The following ZNF169 variants were observed in gnomAD, a reference collection of about 807,000 sequenced individuals.
ZNF169 encodes zinc finger protein 169.
Under a neutral mutation model 12.0 loss-of-function variants are expected in ZNF169, and 11 were observed. The ratio of observed to expected loss-of-function variants is 0.92; its 90% CI spans 0.58 to 1.52. The LOEUF is 1.52. Among genes scored for constraint, ZNF169 ranks in the 40% most tolerant of loss-of-function variants. ZNF169 has a pLI of 0.00. For synonymous variants in ZNF169, 302 were observed against 286.5 expected, an observed-to-expected ratio of 1.05 and a Z score of -0.55; for missense variants, 722 against 744.0, an observed-to-expected ratio of 0.97 and a Z score of 0.34.
At chr9:94,287,682 A>T in intron 2 of ZNF169, 1 of 1,060,010 alleles carries the variant, frequency 9.4e-7, no homozygotes. Flanking sequence ...TTTAAAATTA[A>T]ACAATACGGT....
chr9:94,292,611 G>GTA, intron 3 of ZNF169, 144 bp downstream of exon 3: 5 of 378,792 alleles, frequency 1.3e-5, no homozygotes, highest in Non-Finnish European at 2.1e-5. Flanking sequence ...GTGCAGTTGT[G>GTA]TGTGTGTGTG....
chr9:94,293,181 T>C, intron 4 of ZNF169, 112 bp downstream of exon 4: 2 of 938,320 alleles, frequency 2.1e-6, no homozygotes, highest in Non-Finnish European at 3.4e-6. Context: ...TCAGGCCTCC[T>C]AGGCCACTGG....
Position 94,286,647 on chromosome 9 carries a change from T to TA in ZNF169, c.34-5688dup, listed in dbSNP as rs565689029. Among the ~76,000 whole-genome samples the TA allele has an allele frequency of 2.5e-3, 383 of 152,298 alleles. 2 individuals carry two copies. The highest frequency in any genetic ancestry group is 3.4e-3 in the Middle Eastern group (1 of 294). ...CGCTAAAATGTACCCATTAAACTGC[T>TA]AAAAAACAAATTGAGTGGTGAGAAT... On this transcript the variant is annotated intron_variant, in intron 2 of 4. Transcript: ENST00000395395.
Position 94,299,618 on chromosome 9 carries a change from T to C in ZNF169, c.257-197T>C, listed in dbSNP as rs1323739869. 13 of 1,385,680 alleles carry C rather than the reference T, an allele frequency of 9.4e-6. No individual in the cohort carries two copies. The African/African-American group carries it at 1.6e-4, about 17-fold the overall frequency. The allele number at this position is 1,385,680 out of a possible 1,614,324, so 85.8% of individuals were successfully genotyped here. A position where few individuals can be genotyped will look rare whatever the true frequency, so the allele number is the denominator to read the frequency against. On this transcript the variant is annotated intron_variant, in intron 4 of 4. Coordinates refer to ENST00000395395, the MANE Select transcript of ZNF169 (RefSeq NM_194320.4). ...TTTATAGAGCTGAAGCTGCCTGTGA[T>C]GCTTTTTTGAACCTTTTAGTTTGGC...
At chr9:94,280,707 G>A (rs1239778616) in intron 2 of ZNF169, among the ~76,000 whole-genome samples, 1 of 152,178 alleles carries the variant, frequency 6.6e-6, no homozygotes, top group Non-Finnish European at 1.5e-5. Flanking sequence ...TCACTGCTGT[G>A]TCATTCCCCT....
At chr9:94,290,276 A>G (rs923840029) in intron 2 of ZNF169, among the ~76,000 whole-genome samples, 1 of 152,236 alleles carries the variant, frequency 6.6e-6, no homozygotes, top group Non-Finnish European at 1.5e-5. Context: ...ATAACACAAA[A>G]TTGACTATAT....
At chr9:94,266,434 T>C (rs190111471) in intron 1 of ZNF169, among the ~76,000 whole-genome samples, 1 of 152,322 alleles carries the variant, frequency 6.6e-6, no homozygotes, top group Non-Finnish European at 1.5e-5. Flanking sequence ...AAGAGTTCAA[T>C]TTGTTCCCAG....
At chr9:94,297,272 T>C (rs1359738134) in intron 4 of ZNF169, among the ~76,000 whole-genome samples, 1 of 150,458 alleles carries the variant, frequency 6.6e-6, no homozygotes. Flanking sequence ...AGTATAGCTC[T>C]CCATTTACAT....
intron 1 of ZNF169, among the ~76,000 whole-genome samples, chr9:94,260,626 T>G (rs1333817396): frequency 6.6e-6 from 1 of 152,014 alleles, no homozygotes; most frequent in African/African-American, 2.4e-5. Context: ...GTATCCAGAT[T>G]GTCGGCTTCT....
chr9:94,280,616 T>C (rs1830611803), intron 2 of ZNF169, among the ~76,000 whole-genome samples: 1 of 152,170 alleles, frequency 6.6e-6, no homozygotes, highest in African/African-American at 2.4e-5. Context: ...TATAGAATGG[T>C]GCAACTCGCG....
intron 4 of ZNF169, chr9:94,294,131 C>T (rs1285845887): frequency 6.6e-6 from 1 of 152,128 alleles, no homozygotes; most frequent in African/African-American, 2.4e-5. Flanking sequence ...GGGAACATGT[C>T]CAAGAGTTTC....
intron 1 of ZNF169, among the ~76,000 whole-genome samples, chr9:94,268,845 A>C (rs1830339179): frequency 6.6e-6 from 1 of 151,908 alleles, no homozygotes; most frequent in Admixed American, 6.6e-5. Context: ...ATGTTTTCCT[A>C]AAAACCCCAG....
Position 94,270,737 on chromosome 9 carries a change from T to TATATTTATATATTATATATTATA in ZNF169, c.-55-8021_-55-8020insATATTTATATATTATATATTATA, listed in dbSNP as rs1262184587. ...ATATATAATATTATATATTATATAA[T>TATATTTATATATTATATATTATA]TAATGTATTTATATAATATATAAAT... On this transcript the variant is annotated intron_variant, in intron 1 of 4. Coordinates refer to ENST00000395395, the MANE Select transcript of ZNF169 (RefSeq NM_194320.4). Among the ~76,000 whole-genome samples, 31 of 32,028 alleles carry TATATTTATATATTATATATTATA rather than the reference T, an allele frequency of 9.7e-4. 3 individuals carry two copies. Among genetic ancestry groups the TATATTTATATATTATATATTATA allele is most frequent in the Non-Finnish European group, 1.7e-3 (26 of 15,690 alleles). The allele number at this position is 32,028 out of a possible 152,430, so 21.0% of individuals were successfully genotyped here.
chr9:94,267,598 G>A (rs1231062573), intron 1 of ZNF169, among the ~76,000 whole-genome samples: 2 of 152,160 alleles, frequency 1.3e-5, no homozygotes, highest in African/African-American at 4.8e-5. Flanking sequence ...GCTGTTAATA[G>A]CTCAGAAGAA....
intron 1 of ZNF169, among the ~76,000 whole-genome samples, chr9:94,270,937 A>T (rs779461583): frequency 0.079 from 3,745 of 47,538 alleles, 464 homozygotes; most frequent in South Asian, 0.15. Flanking sequence ...AATAATATAT[A>T]ATATATTATA....
At chr9:94,264,879 C>G (rs1830263443) in intron 1 of ZNF169, among the ~76,000 whole-genome samples, 1 of 151,986 alleles carries the variant, frequency 6.6e-6, no homozygotes, top group Non-Finnish European at 1.5e-5. Flanking sequence ...TATGATTCTA[C>G]TACCTTTTGT....
chr9:94,292,541 C>T (rs1830863670), intron 3 of ZNF169, 74 bp downstream of exon 3: 1 of 1,550,494 alleles, frequency 6.4e-7, no homozygotes, highest in Non-Finnish European at 8.7e-7. Context: ...AGCTGCCATG[C>T]TTCTGACTCA....
intron 4 of ZNF169, among the ~76,000 whole-genome samples, chr9:94,297,745 C>A (rs1830980745): frequency 6.6e-6 from 1 of 152,206 alleles, no homozygotes; most frequent in African/African-American, 2.4e-5. Context: ...AACCAAGGGT[C>A]TTCTGTTAAG....
intron 2 of ZNF169, among the ~76,000 whole-genome samples, chr9:94,282,927 C>T (rs1337807758): frequency 6.6e-6 from 1 of 151,994 alleles, no homozygotes; most frequent in African/African-American, 2.4e-5. Flanking sequence ...ATTGAGTGAC[C>T]TTCACCATCA....
Sources: gnomAD v4.1 joint callset for allele counts (sites outside exome capture counted in the v4.1 genomes callset) on GRCh38, gnomAD v4.1.1 for gene constraint, MANE v1.5 for transcripts, NCBI Gene and HGNC (gene_info 2026-07-23, HGNC 2026-07-21) for gene names.